PRKCA: variants seen among roughly 807,000 people sequenced by gnomAD.
PRKCA encodes the protein protein kinase C alpha type.
PRKCA carries 27 observed loss-of-function variants against 87.0 expected under a neutral mutation model. That is an observed-to-expected ratio of 0.31 (90% CI 0.23 to 0.43). The LOEUF is 0.43. Among genes scored for constraint, PRKCA ranks in the 20% least tolerant of loss-of-function variants. The pLI is 1.00. For synonymous variants in PRKCA, 329 were observed against 311.1 expected (o/e 1.06, Z -0.61); for missense variants, 518 against 852.3 (o/e 0.61, Z 4.88).
Position 66,688,816 on chromosome 17 carries a change from T to TA in PRKCA, c.822-128dup, listed in dbSNP as rs141240389. 2.5e-3 allele frequency: 1,668 copies of TA among 659,690 alleles called. 19 individuals carry two copies. In the African/African-American group the frequency reaches 0.028, roughly 11 times the overall value. The allele number at this position is 659,690 out of a possible 1,614,324, so 40.9% of individuals were successfully genotyped here. Reference sequence around the variant, plus strand: ...ACCCTGTCTCAAAAATATAAAAATGTAAAAAAAGTCAAATGTCTACTGATC... The same window carrying TA: ...ACCCTGTCTCAAAAATATAAAAATGTAAAAAAAAGTCAAATGTCTACTGATC... On this transcript the variant is annotated intron_variant, in intron 7 of 16. Coordinates refer to ENST00000413366, the MANE Select transcript of PRKCA (RefSeq NM_002737.3).
At chr17:66,769,127 TG>T (rs1425393966) in intron 13 of PRKCA, among the ~76,000 whole-genome samples, 1 of 152,132 alleles carries the variant, frequency 6.6e-6, no homozygotes, top group African/African-American at 2.4e-5. Context: ...ATTTCCAGGC[TG>T]GGCATAGTGG....
chr17:66,433,249 G>A (rs890869181), intron 2 of PRKCA, among the ~76,000 whole-genome samples: 3 of 152,108 alleles, frequency 2.0e-5, no homozygotes, highest in Non-Finnish European at 4.4e-5. Flanking sequence ...AAACCCCAGG[G>A]CCCAGAGCTT....
At chr17:66,732,851 G>A (rs1973937318) in intron 9 of PRKCA, 26 bp downstream of exon 9, 1 of 1,604,848 alleles carries the variant, frequency 6.2e-7, no homozygotes, top group Non-Finnish European at 8.5e-7. Flanking sequence ...TCTGCAAATT[G>A]CAGGGGCTTC....
At chr17:66,469,895 C>A (rs564638817) in intron 2 of PRKCA, among the ~76,000 whole-genome samples, 3 of 152,232 alleles carry the variant, frequency 2.0e-5, no homozygotes, top group South Asian at 2.1e-4. Context: ...CCTCTAGGAT[C>A]CAGTGAGTAT....
intron 2 of PRKCA, among the ~76,000 whole-genome samples, chr17:66,423,701 G>T (rs897954783): frequency 3.9e-5 from 6 of 152,166 alleles, no homozygotes; most frequent in Non-Finnish European, 7.4e-5. Context: ...GCCTCCCCCA[G>T]TTGAGAAACA....
intron 14 of PRKCA, among the ~76,000 whole-genome samples, chr17:66,776,766 C>G (rs1214055118): frequency 6.6e-6 from 1 of 152,198 alleles, no homozygotes; most frequent in Admixed American, 6.5e-5. Context: ...GGTGTTCTTC[C>G]AGGGTCTTAC....
chr17:66,803,763 C>A lies in PRKCA; in HGVS notation c.1855-110C>A. The A allele has an allele frequency of 6.9e-7, 1 of 1,451,512 alleles. No individual in the cohort carries two copies. Among genetic ancestry groups the A allele is most frequent in the Non-Finnish European group, 9.2e-7 (1 of 1,084,246 alleles). 89.9% of individuals were successfully genotyped at this position (1,451,512 alleles called of 1,614,324 possible). ...GTCCTCCGAGATTCCTCCTCCTAAC[C>A]AGCCCGGAGTTCCCCAGGGCCGTGC... On this transcript the variant is annotated intron_variant, in intron 16 of 16. Coordinates refer to ENST00000413366, the MANE Select transcript of PRKCA (RefSeq NM_002737.3). This position sits in a 1 kb window ranked among gnomAD's most constrained non-coding sequence, Gnocchi z 4.4.
At chr17:66,796,993 T>G in intron 16 of PRKCA, 1 of 984,380 alleles carries the variant, frequency 1.0e-6, no homozygotes, top group Non-Finnish European at 1.2e-6. Flanking sequence ...TTTTGTTTGG[T>G]TTTGCTTTTT....
chr17:66,425,054 G>C (rs1444023515), intron 2 of PRKCA, among the ~76,000 whole-genome samples: 1 of 152,058 alleles, frequency 6.6e-6, no homozygotes, highest in East Asian at 1.9e-4. Flanking sequence ...GATCCACCGT[G>C]CCCAGCCTGT....
intron 3 of PRKCA, among the ~76,000 whole-genome samples, chr17:66,529,507 A>G (rs1252112445): frequency 6.6e-6 from 1 of 152,146 alleles, no homozygotes; most frequent in East Asian, 1.9e-4. Context: ...CCTTCCCATC[A>G]CTTGTGGGTG....
intron 5 of PRKCA, among the ~76,000 whole-genome samples, chr17:66,666,425 C>G (rs2041838772): frequency 6.6e-6 from 1 of 152,140 alleles, no homozygotes; most frequent in South Asian, 2.1e-4. Context: ...CCTGGAGCCT[C>G]TGCTTTCTCG....
intron 2 of PRKCA, among the ~76,000 whole-genome samples, chr17:66,359,175 A>G (rs536223130): frequency 1.3e-5 from 2 of 152,298 alleles, no homozygotes; most frequent in South Asian, 4.1e-4. Context: ...CAAGTAAATT[A>G]AAAAGTGAAT....
At chr17:66,673,790 C>T (rs1261274958) in intron 5 of PRKCA, among the ~76,000 whole-genome samples, 1 of 152,188 alleles carries the variant, frequency 6.6e-6, no homozygotes, top group African/African-American at 2.4e-5. Context: ...AGAAGTTCCA[C>T]GTGATCACTA....
chr17:66,593,280 G>C (rs549740830), intron 3 of PRKCA, among the ~76,000 whole-genome samples: 1 of 152,288 alleles, frequency 6.6e-6, no homozygotes, highest in East Asian at 1.9e-4. Flanking sequence ...TGGTCATTCA[G>C]GGACCTGAGC....
intron 3 of PRKCA, among the ~76,000 whole-genome samples, chr17:66,608,294 GT>G (rs1287965493): frequency 6.6e-6 from 1 of 152,114 alleles, no homozygotes. Context: ...CCTCACTCTG[GT>G]TCCAAGCAAG....
intron 2 of PRKCA, among the ~76,000 whole-genome samples, chr17:66,439,909 C>T (rs145566359): frequency 5.3e-5 from 8 of 152,262 alleles, no homozygotes; most frequent in East Asian, 3.9e-4. Flanking sequence ...TTGGTCTTTG[C>T]GCCCCCATGC....
chr17:66,710,178 CCCCT>C lies in PRKCA; in HGVS notation c.918+21134_918+21137del, dbSNP rs566745417. On this transcript the variant is annotated intron_variant, in intron 8 of 16. Coordinates refer to ENST00000413366, the MANE Select transcript of PRKCA (RefSeq NM_002737.3). ...TCAAACAAGGAAGAGTTACTTCCTA[CCCCT>C]CCAAGGGTCAAATGAGACCTGCACC... Among the ~76,000 whole-genome samples, 283 of 152,148 alleles carry C rather than the reference CCCCT, an allele frequency of 1.9e-3. 1 individual carries two copies. Among genetic ancestry groups the C allele is most frequent in the African/African-American group, 6.4e-3 (266 of 41,528 alleles).
chr17:66,518,608 C>T (rs1313539562), intron 3 of PRKCA, among the ~76,000 whole-genome samples: 2 of 152,076 alleles, frequency 1.3e-5, no homozygotes, highest in Non-Finnish European at 2.9e-5. Context: ...TAATTTTAGA[C>T]CTCCTGAAAT....
Position 66,346,719 on chromosome 17 carries a change from T to C in PRKCA, c.205+40592T>C, listed in dbSNP as rs370928235. Among the ~76,000 whole-genome samples, 41 of 152,280 alleles carry C rather than the reference T, an allele frequency of 2.7e-4. No individual in the cohort carries two copies. In the South Asian group the frequency reaches 7.9e-3, roughly 29 times the overall value. On this transcript the variant is annotated intron_variant, in intron 2 of 16. Coordinates refer to ENST00000413366, the MANE Select transcript of PRKCA (RefSeq NM_002737.3). ...AGTTGACATGTTGAATTTTTTAGTA[T>C]AGATTAAGGCACTAGTTCTTAGGAT...
Sources: gnomAD v4.1 joint callset for allele counts (sites outside exome capture counted in the v4.1 genomes callset) on GRCh38, gnomAD v4.1.1 for gene constraint, Gnocchi (gnomAD v3.1) non-coding constraint, MANE v1.5 for transcripts, NCBI Gene and HGNC (gene_info 2026-07-23, HGNC 2026-07-21) for gene names.